CASZ1: variants seen among roughly 807,000 people sequenced by gnomAD.
CASZ1 encodes the protein castor zinc finger 1, also known as zinc finger protein castor homolog 1.
Under a neutral mutation model 135.2 loss-of-function variants are expected in CASZ1, and 28 were observed. The observed-to-expected ratio is 0.21, with a 90% CI of 0.15 to 0.28. The LOEUF (loss-of-function observed/expected upper bound fraction) is 0.28, where lower values mean the gene tolerates loss of function less well. Among genes scored for constraint, CASZ1 ranks in the 10% least tolerant of loss-of-function variants. CASZ1 has a pLI of 1.00. For missense variants in CASZ1, 2,161 were observed against 2,453.3 expected (o/e 0.88, Z 2.52); for synonymous variants, 1,068 against 1,073.4 (o/e 0.99, Z 0.10).
At chr1:10,675,232 C>T (rs1233534701) in intron 4 of CASZ1, among the ~76,000 whole-genome samples, 1 of 152,192 alleles carries the variant, frequency 6.6e-6, no homozygotes, top group Non-Finnish European at 1.5e-5. Flanking sequence ...GGAGTCGTAG[C>T]GCACACAGGG....
rs1241896252 is a variant in CASZ1 at position 10,699,707 on chromosome 1, GGA to G, written c.-24+5783_-24+5784del. Among the ~76,000 whole-genome samples, 2 of 152,162 alleles carry G rather than the reference GGA, an allele frequency of 1.3e-5. No homozygotes were observed. Reference sequence around the variant, plus strand: ...CCCGGCCGGATCCTCCACTTTGGAGGGAGAGAGAAGGAGGAAAAAACCCCAAA... The same window carrying G: ...CCCGGCCGGATCCTCCACTTTGGAGGGAGAGAAGGAGGAAAAAACCCCAAA... On this transcript the variant is annotated intron_variant, in intron 3 of 20. Transcript: ENST00000377022. This position sits in a 1 kb window ranked among gnomAD's most constrained non-coding sequence, Gnocchi z 4.6.
intron 2 of CASZ1, among the ~76,000 whole-genome samples, chr1:10,758,437 T>C (rs1279988749): frequency 6.6e-6 from 1 of 151,890 alleles, no homozygotes; most frequent in African/African-American, 2.4e-5. Context: ...GTTCAAGTGA[T>C]TCTCCTGCCT....
rs117856235 is a variant in CASZ1, at chr1:10,662,185, T to C, written c.506-1649A>G. On this transcript the variant is annotated intron_variant, in intron 5 of 20. Transcript: ENST00000377022. Reference sequence around the variant, plus strand: ...GTCACAACACACACATGCATTCTCATACACTCTCATATCCCCACGCACAGT... The same window carrying C: ...GTCACAACACACACATGCATTCTCACACACTCTCATATCCCCACGCACAGT... 1.3e-3 allele frequency among the ~76,000 whole-genome samples: 200 copies of C among 148,544 alleles called. No homozygotes were observed. In the Middle Eastern group the frequency reaches 0.022, roughly 16 times the overall value.
At chr1:10,766,187 A>G (rs1229025305) in intron 1 of CASZ1, among the ~76,000 whole-genome samples, 2 of 151,772 alleles carry the variant, frequency 1.3e-5, no homozygotes, top group Non-Finnish European at 2.9e-5. Context: ...CAGTCACAAA[A>G]CACACGTTCA....
chr1:10,667,043 G>A (rs886834716), intron 4 of CASZ1, among the ~76,000 whole-genome samples: 9 of 152,292 alleles, frequency 5.9e-5, no homozygotes, highest in East Asian at 1.9e-4. Context: ...AGGGCCCCCC[G>A]GCTCCATGGT....
chr1:10,753,849 T>C (rs1210263265), intron 2 of CASZ1, among the ~76,000 whole-genome samples: 3 of 152,162 alleles, frequency 2.0e-5, no homozygotes, highest in African/African-American at 7.2e-5. Context: ...AAAGAGCTTG[T>C]TCCTAATCAG....
At chr1:10,769,012 C>T (rs1273648485) in intron 1 of CASZ1, among the ~76,000 whole-genome samples, 1 of 152,132 alleles carries the variant, frequency 6.6e-6, no homozygotes, top group Non-Finnish European at 1.5e-5. Flanking sequence ...GTGGTGGCGG[C>T]GTCTGTAATC....
chr1:10,647,947 G>A lies in CASZ1; in HGVS notation c.3351C>T (p.Leu1117=), dbSNP rs370369539. ...PASVPSTPTL[L]AWKQLASTIP... is the part of the protein sequence containing the mutation. ...TGGTGGAAGCCAGCTGCTTCCAGGC[G>A]AGCAGGGTGGGGGTGGAGGGCACGG... is the stretch of plus-strand genomic sequence containing the variant. The change falls in exon 16 of 21, where the codon CTC becomes CTT. Residue 1117 remains leucine (L), a synonymous_variant. Coordinates refer to ENST00000377022, the MANE Select transcript of CASZ1 (RefSeq NM_001079843.3). The surrounding 1 kb of genome is among the most constrained non-coding windows in gnomAD (Gnocchi z 4.9). The A allele has an allele frequency of 1.1e-5, 17 of 1,612,602 alleles. No homozygotes were observed. The highest frequency in any genetic ancestry group is 3.3e-5 in the South Asian group (3 of 91,014).
chr1:10,770,031 C>T (rs543692000), intron 1 of CASZ1, among the ~76,000 whole-genome samples: 14 of 152,326 alleles, frequency 9.2e-5, no homozygotes, highest in African/African-American at 3.4e-4. Context: ...CTCTGTCTCC[C>T]TAACTCACAA....
At position 10,727,891 on chromosome 1, in the gene CASZ1, C is replaced by T. The variant is rs1639625597; in HGVS notation, c.-76-22347G>A. Among the ~76,000 whole-genome samples, 1 of 152,224 alleles carries T rather than the reference C, an allele frequency of 6.6e-6. No individual in the cohort carries two copies. Among genetic ancestry groups the T allele is most frequent in the African/African-American group, 2.4e-5 (1 of 41,470 alleles). ...TTGGGGGTGAGCTGGGGGGAGAACTCAGGCTTGCCATGCCCCGGCACCATG... is the reference window on the plus strand; with the variant it reads ...TTGGGGGTGAGCTGGGGGGAGAACTTAGGCTTGCCATGCCCCGGCACCATG... On this transcript the variant is annotated intron_variant, in intron 2 of 20. Transcript: ENST00000377022. The surrounding 1 kb of genome is among the most constrained non-coding windows in gnomAD (Gnocchi z 5.3).
At chr1:10,745,036 A>G (rs1026135623) in intron 2 of CASZ1, among the ~76,000 whole-genome samples, 2 of 152,180 alleles carry the variant, frequency 1.3e-5, no homozygotes, top group African/African-American at 4.8e-5. Flanking sequence ...CAGCAGAGCA[A>G]TCAAAGCCCA....
chr1:10,644,977 C>T lies in CASZ1; in HGVS notation c.3808G>A (p.Glu1270Lys), dbSNP rs774067059. 20 of 1,614,020 alleles carry T rather than the reference C, an allele frequency of 1.2e-5. No homozygotes were observed. The highest frequency in any genetic ancestry group is 1.4e-5 in the Non-Finnish European group (17 of 1,180,016). ...PWHIKKHEKAERRAANGFKYF... is the reference protein window; with the variant it reads ...PWHIKKHEKAKRRAANGFKYF... ...TTGAAGCCATTGGCTGCCCGCCGCT[C>T]CGCCTTCTCATGCTTCTTGATGTGC... The change falls in exon 18 of 21, where the codon GAG becomes AAG. Residue 1270 changes from glutamate to lysine, a missense_variant. Transcript: ENST00000377022.
rs1187504087 is a variant in CASZ1, at chr1:10,764,275, G to A, written c.-233-3418C>T. 2.6e-5 allele frequency among the ~76,000 whole-genome samples: 4 copies of A among 152,314 alleles called. No individual in the cohort carries two copies. In the East Asian group the frequency reaches 7.7e-4, roughly 29 times the overall value. ...GTGAATTAACAGCTCTCAGGTTTAA[G>A]GGAGCCCCTTAGTTACTTGATCCCC... On this transcript the variant is annotated intron_variant, in intron 1 of 20. Transcript: ENST00000377022.
At chr1:10,653,182 G>A in intron 11 of CASZ1, 195 bp downstream of exon 11, 1 of 652,128 alleles carries the variant, frequency 1.5e-6, no homozygotes, top group Non-Finnish European at 2.7e-6. Flanking sequence ...CCTACTGTGG[G>A]GAGCCAGAAC....
In CASZ1 at chr1:10,657,302, G is replaced by A. The variant is rs4845942; in HGVS notation, c.1410-566C>T. ...ACCTGTGCTGCCTCCCAGGAAACCC[G>A]TCCTCCTCCAGGCCCCAGGGCCGCT... is the stretch of plus-strand genomic sequence containing the variant. On this transcript the variant is annotated intron_variant, in intron 7 of 20. Transcript: ENST00000377022. The surrounding 1 kb of genome is among the most constrained non-coding windows in gnomAD (Gnocchi z 5.7). 0.021 allele frequency among the ~76,000 whole-genome samples: 3,267 copies of A among 152,304 alleles called. 89 individuals are homozygous for A. Among genetic ancestry groups the A allele is most frequent in the East Asian group, 0.03 (155 of 5,174 alleles).
At chr1:10,791,679 T>C (rs1640957485) in intron 1 of CASZ1, among the ~76,000 whole-genome samples, 1 of 152,052 alleles carries the variant, frequency 6.6e-6, no homozygotes, top group African/African-American at 2.4e-5. Flanking sequence ...TTGGTTAAAG[T>C]ATTTTCTTGT....
chr1:10,772,311 G>A (rs1640590620), intron 1 of CASZ1, among the ~76,000 whole-genome samples: 2 of 152,184 alleles, frequency 1.3e-5, no homozygotes, highest in South Asian at 4.1e-4. Context: ...CAGAGGGCTA[G>A]ACCCAGGCCG....
intron 2 of CASZ1, among the ~76,000 whole-genome samples, chr1:10,732,691 C>T (rs1478039281): frequency 4.6e-5 from 7 of 152,264 alleles, no homozygotes; most frequent in South Asian, 2.1e-4. Context: ...AAGAATCACC[C>T]GGGGAGGTGG....
rs1419364315 is a variant in CASZ1, at chr1:10,697,513, C to T, written c.-23-3601G>A. Among the ~76,000 whole-genome samples the T allele has an allele frequency of 1.3e-5, 2 of 152,072 alleles. No individual in the cohort carries two copies. The highest frequency in any genetic ancestry group is 2.9e-5 in the Non-Finnish European group (2 of 68,022). ...GTGGAAGGCAACCCAGCGGTTCCCC[C>T]CAACCCAGGCTCCCCACATCAGCAC... On this transcript the variant is annotated intron_variant, in intron 3 of 20. Transcript: ENST00000377022. This position sits in a 1 kb window ranked among gnomAD's most constrained non-coding sequence, Gnocchi z 4.7.
Sources: gnomAD v4.1 joint callset for allele counts (sites outside exome capture counted in the v4.1 genomes callset) on GRCh38, gnomAD v4.1.1 for gene constraint, Gnocchi (gnomAD v3.1) non-coding constraint, MANE v1.5 for transcripts, NCBI Gene and HGNC (gene_info 2026-07-23, HGNC 2026-07-21) for gene names.